The following RSPH10B variants were observed in gnomAD, a reference collection of about 807,000 sequenced individuals.
The protein encoded by RSPH10B is radial spoke head 10 homolog B (Chlamydomonas).
In RSPH10B, 7 loss-of-function variants were observed where a neutral mutation model predicts 52.5. The ratio of observed to expected loss-of-function variants is 0.13; its 90% CI spans 0.08 to 0.25. The LOEUF (loss-of-function observed/expected upper bound fraction) is 0.25, where lower values mean the gene tolerates loss of function less well. RSPH10B is among the 10% of genes least tolerant of loss of function. RSPH10B has a pLI of 1.00. For synonymous variants in RSPH10B, 28 were observed against 193.2 expected, an observed-to-expected ratio of 0.14 and a Z score of 7.09; for missense variants, 89 against 542.5, an observed-to-expected ratio of 0.16 and a Z score of 8.30.
At chr7:5,944,180 C>T (rs568540943) in intron 11 of RSPH10B, among the ~76,000 whole-genome samples, 190 bp from the exon 14 acceptor site, 6 of 151,134 alleles carry the variant, frequency 4.0e-5, no homozygotes, top group East Asian at 1.9e-4. Flanking sequence ...GCGGATCACT[C>T]GAGGTCAGGA....
At chr7:5,929,113 G>C (rs1583208533) in intron 17 of RSPH10B, among the ~76,000 whole-genome samples, 1 of 145,932 alleles carries the variant, frequency 6.9e-6, no homozygotes, top group Non-Finnish European at 1.5e-5. Flanking sequence ...CTGGGCTCAA[G>C]TGATCCTCCT....
intron 18 of RSPH10B, among the ~76,000 whole-genome samples, chr7:5,927,086 G>GTATGTATA (rs1562553478): frequency 1.4e-5 from 1 of 69,072 alleles, no homozygotes; most frequent in Non-Finnish European, 2.9e-5. Flanking sequence ...GTGTGTGTGT[G>GTATGTATA]TGTGTGTGTG....
Position 5,927,713 on chromosome 7 carries a change from A to G in RSPH10B, c.2432+483T>C, listed in dbSNP as rs1306437393. 2.0e-5 allele frequency among the ~76,000 whole-genome samples: 3 copies of G among 147,482 alleles called. 1 individual carries two copies. Among genetic ancestry groups the G allele is most frequent in the Non-Finnish European group, 4.4e-5 (3 of 67,450 alleles). On this transcript the variant is annotated intron_variant, in intron 18 of 18. Coordinates refer to ENST00000337579, the Ensembl canonical transcript of RSPH10B. The stretch of plus-strand genomic sequence containing the variant: ...CACTTTGGGAGGCCAAAGCTGGCAG[A>G]TCACTTGAGGTCAGGAGTTCGAGAC...
At chr7:5,963,902 CAAAA>C (rs529339716) in intron 3 of RSPH10B, among the ~76,000 whole-genome samples, 2 of 83,196 alleles carry the variant, frequency 2.4e-5, no homozygotes, top group African/African-American at 8.9e-5. Flanking sequence ...CCTGTCTCTA[CAAAA>C]AAAAAAAAAA....
chr7:5,927,931 C>T (rs1583204937), intron 18 of RSPH10B: 1 of 726,956 alleles, frequency 1.4e-6, no homozygotes, highest in Non-Finnish European at 2.2e-6. Context: ...GAGACCCTGT[C>T]TAAAAACAAA....
intron 17 of RSPH10B, among the ~76,000 whole-genome samples, 199 bp from the exon 20 acceptor site, chr7:5,928,593 C>G (rs1184029473): frequency 6.6e-6 from 1 of 150,416 alleles, no homozygotes; most frequent in Non-Finnish European, 1.5e-5. Flanking sequence ...GGATTGTCAG[C>G]CTTCCCTTTG....
At chr7:5,944,804 CA>C (rs1276903573) in intron 11 of RSPH10B, among the ~76,000 whole-genome samples, 8 of 144,136 alleles carry the variant, frequency 5.6e-5, no homozygotes, top group African/African-American at 1.1e-4. Context: ...ACTAAAAATA[CA>C]AAAAAAAATT....
At position 5,955,121 on chromosome 7, in the gene RSPH10B, T is replaced by C. The variant is rs961938710; in HGVS notation, c.957+884A>G. Among the ~76,000 whole-genome samples, 7 of 138,900 alleles carry C rather than the reference T, an allele frequency of 5.0e-5. 1 individual carries two copies. The highest frequency in any genetic ancestry group is 3.0e-4 in the South Asian group (1 of 3,376). The allele number at this position is 138,900 out of a possible 152,430, so 91.1% of individuals were successfully genotyped here. A position where few individuals can be genotyped will look rare whatever the true frequency, so the allele number is the denominator to read the frequency against. ...CAGAGGTTGCAGCGAGCCGAGATCA[T>C]GCCACTGCACTCCAGCCTGGGCAAC... is the stretch of plus-strand genomic sequence containing the variant. On this transcript the variant is annotated intron_variant, in intron 7 of 18. Coordinates refer to ENST00000337579, the Ensembl canonical transcript of RSPH10B.
chr7:5,967,964 AG>A (rs1781150703), upstream of RSPH10B, among the ~76,000 whole-genome samples: 1 of 114,744 alleles, frequency 8.7e-6, no homozygotes, highest in Non-Finnish European at 1.8e-5. Context: ...TATAGGTGTG[AG>A]CCACTGTACC....
At chr7:5,968,171 A>G (rs1390376647), upstream of RSPH10B, among the ~76,000 whole-genome samples, 7 of 152,288 alleles carry the variant, frequency 4.6e-5, no homozygotes, top group Non-Finnish European at 1.5e-5. Context: ...CAGGTGGATC[A>G]CGAGGTCAGG....
intron 7 of RSPH10B, among the ~76,000 whole-genome samples, chr7:5,955,189 T>TA (rs1780711397): frequency 8.0e-6 from 1 of 124,972 alleles, no homozygotes; most frequent in South Asian, 3.8e-4. Context: ...AAAAGTCATG[T>TA]AATCACCTTA....
chr7:5,944,498 G>C, intron 11 of RSPH10B, among the ~76,000 whole-genome samples: 1 of 149,718 alleles, frequency 6.7e-6, no homozygotes, highest in Non-Finnish European at 1.5e-5. Context: ...AGAAGACTTG[G>C]TTGTGACTAT....
intron 13 of RSPH10B, among the ~76,000 whole-genome samples, chr7:5,942,074 T>C (rs1583224117): frequency 6.7e-6 from 1 of 149,290 alleles, no homozygotes; most frequent in East Asian, 2.0e-4. Flanking sequence ...TTTGTATTTT[T>C]AGTCGAAAGG....
At position 5,930,783 on chromosome 7, in the gene RSPH10B, A is replaced by G. The variant is rs375305997; in HGVS notation, c.2233+1999T>C. On this transcript the variant is annotated intron_variant, in intron 17 of 18. Coordinates refer to ENST00000337579, the Ensembl canonical transcript of RSPH10B. ...GAGCACGTACACAGCCCCCCAAGAT[A>G]CCTAGCAGCAAAGGTGAGCATGTAC... Among the ~76,000 whole-genome samples the G allele has an allele frequency of 0.029, 564 of 19,704 alleles. 186 individuals are homozygous for G. In the South Asian group the frequency reaches 0.31, roughly 11 times the overall value. The allele number at this position is 19,704 out of a possible 152,430, so 12.9% of individuals were successfully genotyped here.
At position 5,927,060 on chromosome 7, in the gene RSPH10B, GTGTGTGTATA is replaced by G. The variant is rs1180045178; in HGVS notation, c.2433-522_2433-513del. Among the ~76,000 whole-genome samples, 431 of 72,666 alleles carry G rather than the reference GTGTGTGTATA, an allele frequency of 5.9e-3. 7 individuals are homozygous for G. The highest frequency in any genetic ancestry group is 0.023 in the Middle Eastern group (4 of 176). 47.7% of individuals were successfully genotyped at this position (72,666 alleles called of 152,430 possible). ...GTGTGTGTGTGTATTATGTGTGTGT[GTGTGTGTATA>G]TGTGTGTGTGTGTGTGTGTGTGTGT... On this transcript the variant is annotated intron_variant, in intron 18 of 18. Coordinates refer to ENST00000337579, the Ensembl canonical transcript of RSPH10B.
intron 7 of RSPH10B, among the ~76,000 whole-genome samples, chr7:5,954,966 A>C (rs1780694057): frequency 1.3e-5 from 1 of 79,260 alleles, no homozygotes; most frequent in Non-Finnish European, 2.5e-5. Flanking sequence ...CTTGGCAAAC[A>C]CGGCAAAACC....
At chr7:5,961,429 T>A (rs1780941456) in intron 3 of RSPH10B, among the ~76,000 whole-genome samples, 1 of 134,778 alleles carries the variant, frequency 7.4e-6, no homozygotes, top group South Asian at 2.3e-4. Flanking sequence ...AACCTCTGCC[T>A]CCCAGGTTCA....
chr7:5,944,660 T>TA lies in RSPH10B; in HGVS notation c.1529+403dup, dbSNP rs566809688. Among the ~76,000 whole-genome samples the TA allele has an allele frequency of 7.9e-3, 1,149 of 145,646 alleles. 4 individuals are homozygous for TA. Among genetic ancestry groups the TA allele is most frequent in the African/African-American group, 0.028 (1,063 of 38,152 alleles). On this transcript the variant is annotated intron_variant, in intron 11 of 18. Coordinates refer to ENST00000337579, the Ensembl canonical transcript of RSPH10B. ...TGAGTCCTTCATTTCAAGAGTATGT[T>TA]AAAAAAAGACTGCTGAGGCTGGGCA...
intron 18 of RSPH10B, among the ~76,000 whole-genome samples, chr7:5,927,132 C>T (rs1275959055): frequency 2.2e-5 from 3 of 136,174 alleles, no homozygotes; most frequent in African/African-American, 8.2e-5. Context: ...TACTGTGTTG[C>T]CCAGGCTGGA....
Sources: gnomAD v4.1 joint callset for allele counts (sites outside exome capture counted in the v4.1 genomes callset) on GRCh38, gnomAD v4.1.1 for gene constraint, MANE v1.5 for transcripts, NCBI Gene and HGNC (gene_info 2026-07-23, HGNC 2026-07-21) for gene names.